Variants in ENTREP2 observed in about 807,000 individuals in gnomAD.
ENTREP2 encodes endosomal transmembrane epsin interactor 2.
At chr15:29,277,618 G>A in the ENTREP2 span, among the ~76,000 whole-genome samples, 1 of 152,134 alleles carries the variant, frequency 6.6e-6, no homozygotes, top group East Asian at 1.9e-4. Context: ...GGGCAGTAAT[G>A]CTCACTCGCC....
chr15:29,360,704 C>T, the ENTREP2 span, among the ~76,000 whole-genome samples: 6 of 152,222 alleles, frequency 3.9e-5, no homozygotes, highest in East Asian at 5.8e-4. Context: ...AACAGGAGAC[C>T]GAGGATCCTC....
the ENTREP2 span, among the ~76,000 whole-genome samples, chr15:29,283,364 T>G: frequency 3.9e-5 from 6 of 152,322 alleles, no homozygotes; most frequent in South Asian, 1.2e-3. Context: ...TTCTTTTTTT[T>G]TGGAGACAGA....
chr15:29,514,538 C>G, the ENTREP2 span, among the ~76,000 whole-genome samples: 1 of 152,180 alleles, frequency 6.6e-6, no homozygotes, highest in South Asian at 2.1e-4. Flanking sequence ...AACATCTGTT[C>G]GATTCCCTGC....
chr15:29,632,609 C>G, the ENTREP2 span, among the ~76,000 whole-genome samples: 1 of 152,116 alleles, frequency 6.6e-6, no homozygotes, highest in Admixed American at 6.6e-5. Flanking sequence ...TGGCAAAACT[C>G]TGTTTCTACT....
At chr15:29,491,163 A>C in the ENTREP2 span, among the ~76,000 whole-genome samples, 72 of 152,112 alleles carry the variant, frequency 4.7e-4, 1 homozygote, top group East Asian at 0.014. Flanking sequence ...CCAGTTGGCC[A>C]CTCCGAGTGT....
the ENTREP2 span, among the ~76,000 whole-genome samples, chr15:29,468,610 C>CAAA: frequency 9.8e-6 from 1 of 102,472 alleles, no homozygotes; most frequent in African/African-American, 3.5e-5. Flanking sequence ...AACTCCATCT[C>CAAA]AAAAAAAAAA....
At chr15:29,597,117 T>TA in the ENTREP2 span, among the ~76,000 whole-genome samples, 1 of 152,084 alleles carries the variant, frequency 6.6e-6, no homozygotes, top group African/African-American at 2.4e-5. Context: ...GTGCTTCACC[T>TA]ATTCAATCAT....
chr15:29,516,433 C>A, the ENTREP2 span, among the ~76,000 whole-genome samples: 25 of 152,126 alleles, frequency 1.6e-4, no homozygotes, highest in East Asian at 1.3e-3. Flanking sequence ...ACTTAAGGAG[C>A]AGAAACACTA....
the ENTREP2 span, among the ~76,000 whole-genome samples, chr15:29,650,524 C>T: frequency 6.6e-6 from 1 of 151,708 alleles, no homozygotes; most frequent in Admixed American, 6.6e-5. Flanking sequence ...ACCTGGGAGG[C>T]GGAGGCTGCA....
chr15:29,602,026 T>C, the ENTREP2 span, among the ~76,000 whole-genome samples: 2 of 152,220 alleles, frequency 1.3e-5, no homozygotes, highest in African/African-American at 4.8e-5. Context: ...TAATATGCCA[T>C]GGTAACTGTA....
the ENTREP2 span, among the ~76,000 whole-genome samples, chr15:29,360,404 G>A: frequency 6.6e-6 from 1 of 152,140 alleles, no homozygotes. Flanking sequence ...GCATTTTAGA[G>A]GAGGCAGGAA....
the ENTREP2 span, among the ~76,000 whole-genome samples, chr15:29,592,151 C>G: frequency 6.6e-6 from 1 of 152,268 alleles, no homozygotes; most frequent in East Asian, 1.9e-4. Flanking sequence ...GATACACCAT[C>G]CTTGCTCTCT....
the ENTREP2 span, among the ~76,000 whole-genome samples, chr15:29,442,630 C>A: frequency 1.3e-5 from 2 of 152,178 alleles, no homozygotes; most frequent in Non-Finnish European, 2.9e-5. Flanking sequence ...GCTGTCACTT[C>A]CTCTCATTCC....
chr15:29,171,339 A>G, the ENTREP2 span, among the ~76,000 whole-genome samples: 1,471 of 152,198 alleles, frequency 9.7e-3, 11 homozygotes, highest in Non-Finnish European at 0.016. Context: ...GCAGTTCAAC[A>G]TTTCATATTT....
the ENTREP2 span, among the ~76,000 whole-genome samples, chr15:29,312,650 G>A: frequency 6.6e-6 from 1 of 152,170 alleles, no homozygotes; most frequent in Non-Finnish European, 1.5e-5. Context: ...GGGGCTCCAT[G>A]AACTGTGCCC....
the ENTREP2 span, among the ~76,000 whole-genome samples, chr15:29,197,494 G>GC: frequency 6.6e-6 from 1 of 152,150 alleles, no homozygotes; most frequent in African/African-American, 2.4e-5. Flanking sequence ...CAGGCCAGGC[G>GC]CGGTGGCTCA....
chr15:29,151,338 A>G, the ENTREP2 span, among the ~76,000 whole-genome samples: 1 of 152,164 alleles, frequency 6.6e-6, no homozygotes, highest in African/African-American at 2.4e-5. Context: ...TCCAACTGGA[A>G]AAGAACTGAT....
chr15:29,483,240 C>T, the ENTREP2 span, among the ~76,000 whole-genome samples: 1 of 152,220 alleles, frequency 6.6e-6, no homozygotes, highest in East Asian at 1.9e-4. Flanking sequence ...AATAAAAGTC[C>T]TTGATCACAT....
the ENTREP2 span, among the ~76,000 whole-genome samples, chr15:29,504,763 T>A: frequency 6.6e-6 from 1 of 152,220 alleles, no homozygotes; most frequent in African/African-American, 2.4e-5. Context: ...CAGTCATGAG[T>A]AATTCATGAA....
Sources: gnomAD v4.1 joint callset for allele counts (sites outside exome capture counted in the v4.1 genomes callset) on GRCh38, gnomAD v4.1.1 for gene constraint, MANE v1.5 for transcripts, NCBI Gene and HGNC (gene_info 2026-07-23, HGNC 2026-07-21) for gene names.